The following CDH18 variants were observed in gnomAD, a reference collection of about 807,000 sequenced individuals.
The protein encoded by CDH18 is cadherin 18, also known as cadherin-18.
A neutral mutation model predicts 67.9 loss-of-function variants in CDH18; 31 were observed. The ratio of observed to expected loss-of-function variants is 0.46; its 90% CI spans 0.34 to 0.62. CDH18 has a LOEUF of 0.62. Ranked by LOEUF, CDH18 falls within the 20% of genes least tolerant of loss-of-function variation. The pLI, the probability that CDH18 is intolerant of heterozygous loss-of-function variation, is 0.01. For synonymous variants in CDH18, 362 were observed against 347.2 expected, an observed-to-expected ratio of 1.04 and a Z score of -0.48; for missense variants, 890 against 975.5, an observed-to-expected ratio of 0.91 and a Z score of 1.17.
In CDH18 at chr5:19,981,065, C is replaced by T. The variant is rs995962930; in HGVS notation, c.-262G>A. 1 of 152,150 alleles carries T rather than the reference C, an allele frequency of 6.6e-6. No homozygotes were observed. Among genetic ancestry groups the T allele is most frequent in the Non-Finnish European group, 1.5e-5 (1 of 68,042 alleles). The allele number at this position is 152,150 out of a possible 1,614,324, so 9.4% of individuals were successfully genotyped here. On this transcript the variant is annotated 5_prime_UTR_variant, in exon 2 of 13. Coordinates refer to ENST00000382275, the MANE Select transcript of CDH18 (RefSeq NM_004934.5). ...TGATAAATACAGAATCAAACCTTTTCTCTCAATCTCCACTGCTGTCACTCT... is the reference window on the plus strand; with the variant it reads ...TGATAAATACAGAATCAAACCTTTTTTCTCAATCTCCACTGCTGTCACTCT...
intron 2 of CDH18, among the ~76,000 whole-genome samples, chr5:19,882,889 C>T (rs1167602054): frequency 1.3e-5 from 2 of 152,090 alleles, no homozygotes; most frequent in Non-Finnish European, 2.9e-5. Flanking sequence ...TATCAGGTAT[C>T]AAGATATCTT....
At chr5:20,385,708 C>G (rs980622439) in intron 1 of CDH18, among the ~76,000 whole-genome samples, 2 of 152,094 alleles carry the variant, frequency 1.3e-5, no homozygotes, top group Non-Finnish European at 1.5e-5. Context: ...TTGATTTTCT[C>G]TTTCTCACTT....
intron 3 of CDH18, among the ~76,000 whole-genome samples, chr5:19,768,566 C>T (rs1044524023): frequency 5.9e-5 from 9 of 152,146 alleles, no homozygotes; most frequent in South Asian, 2.1e-4. Context: ...ACATATACAA[C>T]GCTGCCCCAT....
chr5:20,463,482 C>T (rs932168114), intron 1 of CDH18, among the ~76,000 whole-genome samples: 1 of 152,070 alleles, frequency 6.6e-6, no homozygotes, highest in South Asian at 2.1e-4. Context: ...AGGAAACGTA[C>T]AATCATGGCA....
At chr5:19,518,686 G>C (rs1417027724) in intron 10 of CDH18, among the ~76,000 whole-genome samples, 3 of 152,058 alleles carry the variant, frequency 2.0e-5, no homozygotes, top group African/African-American at 7.2e-5. Flanking sequence ...GGTTTACCAG[G>C]GGATCTCAGT....
At chr5:20,410,413 C>T (rs531946197) in intron 1 of CDH18, among the ~76,000 whole-genome samples, 1 of 151,730 alleles carries the variant, frequency 6.6e-6, no homozygotes, top group African/African-American at 2.4e-5. Flanking sequence ...TGCAAATAAG[C>T]ATTTGACAAT....
At chr5:20,286,287 G>A (rs55995771) in intron 1 of CDH18, among the ~76,000 whole-genome samples, 1 of 151,544 alleles carries the variant, frequency 6.6e-6, no homozygotes, top group South Asian at 2.1e-4. Flanking sequence ...ATTTAGTTAG[G>A]TGATTTGTTA....
intron 2 of CDH18, among the ~76,000 whole-genome samples, chr5:19,845,004 T>C (rs995577223): frequency 1.3e-5 from 2 of 152,170 alleles, no homozygotes; most frequent in East Asian, 1.9e-4. Context: ...GTACATTACA[T>C]GAATAAAAAC....
At chr5:20,111,822 C>T (rs1253170561) in intron 2 of CDH18, among the ~76,000 whole-genome samples, 7 of 152,014 alleles carry the variant, frequency 4.6e-5, no homozygotes, top group South Asian at 2.1e-4. Context: ...GGATTACAGG[C>T]GTGAGCCACC....
At chr5:20,013,209 G>C (rs1245946251) in intron 2 of CDH18, among the ~76,000 whole-genome samples, 1 of 151,998 alleles carries the variant, frequency 6.6e-6, no homozygotes, top group Non-Finnish European at 1.5e-5. Flanking sequence ...TCCTTTAATT[G>C]ATTCATCTGC....
At chr5:20,309,771 G>T (rs1736825389) in intron 1 of CDH18, among the ~76,000 whole-genome samples, 1 of 152,116 alleles carries the variant, frequency 6.6e-6, no homozygotes, top group Non-Finnish European at 1.5e-5. Flanking sequence ...GGTAGCAAAT[G>T]ATTTTAAAAT....
intron 1 of CDH18, among the ~76,000 whole-genome samples, chr5:20,486,490 C>A (rs1396338): frequency 6.6e-6 from 1 of 151,808 alleles, no homozygotes; most frequent in Non-Finnish European, 1.5e-5. Context: ...TGATTTAGAG[C>A]TCAAATTTCT....
intron 1 of CDH18, among the ~76,000 whole-genome samples, chr5:20,525,535 C>T (rs1238576674): frequency 6.6e-6 from 1 of 152,024 alleles, no homozygotes; most frequent in Non-Finnish European, 1.5e-5. Flanking sequence ...TGCAGTTCAC[C>T]TGGAGAAAAA....
intron 2 of CDH18, among the ~76,000 whole-genome samples, chr5:20,011,667 G>T (rs1737450242): frequency 6.6e-6 from 1 of 152,082 alleles, no homozygotes; most frequent in South Asian, 2.1e-4. Context: ...AACATGAGGG[G>T]ATGTTGAATT....
chr5:20,350,371 A>G (rs1337917033), intron 1 of CDH18, among the ~76,000 whole-genome samples: 2 of 152,166 alleles, frequency 1.3e-5, no homozygotes, highest in East Asian at 1.9e-4. Context: ...TCAACTTTAT[A>G]GAAATATTTA....
intron 2 of CDH18, among the ~76,000 whole-genome samples, chr5:19,841,183 A>T (rs138576703): frequency 1.3e-5 from 2 of 152,280 alleles, no homozygotes; most frequent in African/African-American, 4.8e-5. Flanking sequence ...AGTAATTGGA[A>T]TTTCACTTTT....
chr5:19,748,111 T>A (rs1249704520), intron 3 of CDH18, among the ~76,000 whole-genome samples: 4 of 840 alleles, frequency 4.8e-3, no homozygotes, highest in Non-Finnish European at 0.038. Flanking sequence ...AGACTCCATC[T>A]CAAAAAAAAA....
At chr5:19,727,383 A>G (rs1766977875) in intron 4 of CDH18, among the ~76,000 whole-genome samples, 1 of 152,198 alleles carries the variant, frequency 6.6e-6, no homozygotes, top group African/African-American at 2.4e-5. Context: ...CAGGCATAAC[A>G]TCATGTGAAG....
At chr5:20,423,442 C>A (rs1297408288) in intron 1 of CDH18, among the ~76,000 whole-genome samples, 1 of 150,934 alleles carries the variant, frequency 6.6e-6, no homozygotes, top group Admixed American at 6.6e-5. Flanking sequence ...AAATACACAG[C>A]AAATATTGTC....
Sources: allele counts gnomAD v4.1 joint callset (sites outside exome capture counted in the v4.1 genomes callset), GRCh38; gene constraint gnomAD v4.1.1; transcripts MANE v1.5; gene names NCBI Gene and HGNC (gene_info 2026-07-23, HGNC 2026-07-21).